COBLL1: variants seen among roughly 807,000 people sequenced by gnomAD.
COBLL1 encodes cordon-bleu protein-like 1.
Under a neutral mutation model 94.8 loss-of-function variants are expected in COBLL1, and 50 were observed. The ratio of observed to expected loss-of-function variants is 0.53; its 90% CI spans 0.42 to 0.67. The LOEUF (loss-of-function observed/expected upper bound fraction) is 0.67. Among genes scored for constraint, COBLL1 ranks in the 30% least tolerant of loss-of-function variants. The pLI is 0.00. For synonymous variants in COBLL1, 448 were observed against 473.8 expected (o/e 0.95, Z 0.71); for missense variants, 1,362 against 1,348.7 (o/e 1.01, Z -0.15).
chr2:164,825,132 C>A (rs974034708), intron 2 of COBLL1, among the ~76,000 whole-genome samples: 3 of 152,210 alleles, frequency 2.0e-5, no homozygotes, highest in African/African-American at 7.2e-5. Context: ...GCATTTAGCA[C>A]AGTACCTGGT....
intron 2 of COBLL1, among the ~76,000 whole-genome samples, chr2:164,767,406 A>C (rs916985009): frequency 1.3e-5 from 2 of 152,218 alleles, no homozygotes; most frequent in African/African-American, 4.8e-5. Context: ...TCTAGTCAGC[A>C]GGTTATAAAA....
chr2:164,791,459 T>C (rs988604770), intron 2 of COBLL1, among the ~76,000 whole-genome samples: 4 of 151,888 alleles, frequency 2.6e-5, no homozygotes, highest in African/African-American at 9.7e-5. Context: ...CAAGGTCTTA[T>C]CCCATTGCTA....
intron 1 of COBLL1, among the ~76,000 whole-genome samples, chr2:164,668,817 C>T (rs1312749201): frequency 6.6e-6 from 1 of 152,198 alleles, no homozygotes; most frequent in Non-Finnish European, 1.5e-5. Flanking sequence ...CATCAGTTTG[C>T]TCCTTGGGTT....
chr2:164,699,516 T>G lies in COBLL1; in HGVS notation c.1461-17A>C. 6.9e-7 allele frequency: 1 copy of G among 1,451,412 alleles called. No individual in the cohort carries two copies. Among genetic ancestry groups the G allele is most frequent in the Non-Finnish European group, 9.7e-7 (1 of 1,032,232 alleles). The allele number at this position is 1,451,412 out of a possible 1,614,324, so 89.9% of individuals were successfully genotyped here. On this transcript the variant is annotated splice_polypyrimidine_tract_variant and intron_variant, in intron 10 of 13. Coordinates refer to ENST00000652658, the MANE Select transcript of COBLL1 (RefSeq NM_001365672.2). ...TGTGGTTCTCTGGAAGATACGACAT[T>G]GTATGTTATATGTTGATACTATTGA...
intron 2 of COBLL1, among the ~76,000 whole-genome samples, chr2:164,755,003 A>T (rs556019963): frequency 2.6e-5 from 4 of 152,108 alleles, no homozygotes; most frequent in African/African-American, 9.6e-5. Context: ...TCTCTACCAA[A>T]CAAATTTAAA....
intron 7 of COBLL1, among the ~76,000 whole-genome samples, chr2:164,707,738 T>G (rs1007047294): frequency 6.6e-6 from 1 of 152,124 alleles, no homozygotes; most frequent in African/African-American, 2.4e-5. Context: ...CATTTGTAAA[T>G]AAAAGACCTT....
intron 5 of COBLL1, chr2:164,723,529 C>T (rs1252793877): frequency 6.6e-6 from 1 of 151,966 alleles, no homozygotes; most frequent in Non-Finnish European, 1.5e-5. Flanking sequence ...CAAAGTCTAC[C>T]AGGTTGTGTT....
intron 2 of COBLL1, among the ~76,000 whole-genome samples, chr2:164,780,211 T>C (rs976092866): frequency 1.3e-5 from 2 of 152,012 alleles, no homozygotes; most frequent in East Asian, 1.9e-4. Flanking sequence ...GGGGTAGTAA[T>C]AACCGCCACT....
chr2:164,703,428 C>T (rs968627752), intron 9 of COBLL1, among the ~76,000 whole-genome samples: 6 of 152,196 alleles, frequency 3.9e-5, no homozygotes, highest in African/African-American at 1.4e-4. Context: ...TATAATATTT[C>T]AGTGACTTCT....
At position 164,704,958 on chromosome 2, in the gene COBLL1, C is replaced by T. The variant is rs1405553997; in HGVS notation, c.1144G>A (p.Val382Met). 1.3e-6 allele frequency: 2 copies of T among 1,577,304 alleles called. No individual in the cohort carries two copies. The highest frequency in any genetic ancestry group is 2.7e-5 in the African/African-American group (2 of 73,294). The change falls in exon 8 of 14, where the codon GTG (valine) becomes ATG (methionine). Residue 382 changes from valine (V) to methionine (M), a missense_variant. Val to Met is a conservative substitution (Grantham distance 21, BLOSUM62 1). Transcript: ENST00000652658. ...PPHQSDENSR[V>M]TALQPVDGVP... ...AATGAAACAACCACATTACCAGTCA[C>T]ACGACTATTTTCATCACTTTGATGC...
At position 164,722,266 on chromosome 2, in the gene COBLL1, T is replaced by G; in HGVS notation, c.805A>C (p.Thr269Pro). 6.2e-7 allele frequency: 1 copy of G among 1,614,026 alleles called. No homozygotes were observed. Among genetic ancestry groups the G allele is most frequent in the Admixed American group, 1.7e-5 (1 of 59,986 alleles). The change falls in exon 7 of 14, where the codon ACT becomes CCT. Residue 269 changes from threonine (T) to proline (P), a missense_variant. Transcript: ENST00000652658. ...ATPLVNKHRPTFTRSNTISKP... is the reference protein window; with the variant it reads ...ATPLVNKHRPPFTRSNTISKP... ...GAAATGGTATTGGACCTTGTAAAAGTTGGGCGGTGCTTATTTACTAGAGGG... is the reference window on the plus strand; with the variant it reads ...GAAATGGTATTGGACCTTGTAAAAGGTGGGCGGTGCTTATTTACTAGAGGG...
rs187965203 is a variant in COBLL1, at chr2:164,804,202, A to G, written c.41+36954T>C. On this transcript the variant is annotated intron_variant, in intron 2 of 13. Transcript: ENST00000652658. ...GCTTTTCTTGGTGCTAATATGAAAA[A>G]TGGTTTGGAGGAAAGTAAGACCAGA... Among the ~76,000 whole-genome samples the G allele has an allele frequency of 1.7e-3, 266 of 152,178 alleles. 3 individuals are homozygous for G. In the Middle Eastern group the frequency reaches 0.024, roughly 14 times the overall value.
Position 164,695,165 on chromosome 2 carries a change from C to T in COBLL1, c.2227G>A (p.Glu743Lys). ...TYKIVPPKSL[E>K]ISKDWQSETI... ...TCTGATTGCCAGTCTTTCGATATTT[C>T]CAAGGATTTGGGAGGCACTATTTTA... Residue 743 changes from glutamate (E) to lysine (K), a missense_variant, in exon 12 of 14, where the codon GAA becomes AAA. Physicochemically the swap from Glu to Lys is moderately conservative, Grantham distance 56. Coordinates refer to ENST00000652658, the MANE Select transcript of COBLL1 (RefSeq NM_001365672.2). 1 of 1,613,904 alleles carries T rather than the reference C, an allele frequency of 6.2e-7. No homozygotes were observed. The highest frequency in any genetic ancestry group is 8.5e-7 in the Non-Finnish European group (1 of 1,179,942).
chr2:164,703,114 T>A (rs1449916577), intron 9 of COBLL1: 1 of 1,610,160 alleles, frequency 6.2e-7, no homozygotes, highest in African/African-American at 1.3e-5. Context: ...ATGTCAATGA[T>A]GTTATGGCTG....
chr2:164,697,708 G>A (rs1684027105), intron 11 of COBLL1: 1 of 151,974 alleles, frequency 6.6e-6, no homozygotes, highest in Admixed American at 6.6e-5. Flanking sequence ...TTTTTGGTAG[G>A]TTACACCTAC....
chr2:164,764,998 A>G (rs1280732468), intron 2 of COBLL1, among the ~76,000 whole-genome samples: 2 of 152,146 alleles, frequency 1.3e-5, no homozygotes, highest in African/African-American at 4.8e-5. Context: ...TAAAATACAG[A>G]AGGAATAAAA....
At chr2:164,729,890 C>T in intron 4 of COBLL1, 24 bp downstream of exon 4, 1 of 1,584,070 alleles carries the variant, frequency 6.3e-7, no homozygotes, top group African/African-American at 1.3e-5. Flanking sequence ...AATAAGACAT[C>T]AAAATATATA....
intron 2 of COBLL1, among the ~76,000 whole-genome samples, chr2:164,747,625 A>C (rs1479729802): frequency 1.3e-5 from 2 of 152,194 alleles, no homozygotes; most frequent in South Asian, 4.2e-4. Flanking sequence ...CTGGGACTAC[A>C]GGCACATGCC....
chr2:164,687,913 C>T (rs559845398), intron 13 of COBLL1: 13 of 231,064 alleles, frequency 5.6e-5, no homozygotes, highest in East Asian at 2.2e-4. Flanking sequence ...ATTTAGAAAA[C>T]GTATCGATGG....
Sources: gnomAD v4.1 joint callset for allele counts (sites outside exome capture counted in the v4.1 genomes callset) on GRCh38, gnomAD v4.1.1 for gene constraint, MANE v1.5 for transcripts, NCBI Gene and HGNC (gene_info 2026-07-23, HGNC 2026-07-21) for gene names.